The following ARL13B variants were observed in gnomAD, a reference collection of about 807,000 sequenced individuals.
ARL13B encodes the protein ADP-ribosylation factor-like protein 13B.
Under a neutral mutation model 56.1 loss-of-function variants are expected in ARL13B, and 36 were observed. That is an observed-to-expected ratio of 0.64 (90% CI 0.49 to 0.85). The LOEUF (loss-of-function observed/expected upper bound fraction) is 0.85, where lower values mean the gene tolerates loss of function less well. Among genes scored for constraint, ARL13B ranks in the 40% least tolerant of loss-of-function variants. ARL13B has a pLI of 0.00. For missense variants in ARL13B, 519 were observed against 507.1 expected, an observed-to-expected ratio of 1.02 and a Z score of -0.23; for synonymous variants, 178 against 171.1, an observed-to-expected ratio of 1.04 and a Z score of -0.32.
chr3:94,019,557 C>A (rs1299477756), intron 3 of ARL13B, among the ~76,000 whole-genome samples: 1 of 152,058 alleles, frequency 6.6e-6, no homozygotes, highest in African/African-American at 2.4e-5. Context: ...TCCTTGTTTC[C>A]TTTTTGCACC....
chr3:94,039,881 A>C lies in ARL13B; in HGVS notation c.691A>C (p.Lys231Gln). The change falls in exon 6 of 10, where the codon AAA becomes CAA. Residue 231 changes from lysine to glutamine, a missense_variant and splice_region_variant. Lys to Gln is a moderately conservative substitution (Grantham distance 53). Transcript: ENST00000394222. ...CAATTATTTTTCCTCAAACGATAGA[A>C]AACAAAATGAACAGGAGCAGGCTGA... is the stretch of plus-strand genomic sequence containing the variant. Reference protein sequence around the residue: ...ERVRKLREERKQNEQEQAELD... With the variant: ...ERVRKLREERQQNEQEQAELD... The C allele has an allele frequency of 1.2e-6, 2 of 1,613,976 alleles. No homozygotes were observed. Among genetic ancestry groups the C allele is most frequent in the Non-Finnish European group, 1.7e-6 (2 of 1,179,932 alleles).
At position 94,054,442 on chromosome 3, in the gene ARL13B, A is replaced by T. The variant is rs1207916820; in HGVS notation, c.*1179A>T. On this transcript the variant is annotated 3_prime_UTR_variant, in exon 10 of 10. Coordinates refer to ENST00000394222, the MANE Select transcript of ARL13B (RefSeq NM_001174150.2). ...CATTTAGACTAACTTCTAGATGTAT[A>T]TTTTTAATAATAGATTCATAATGTT... is the stretch of plus-strand genomic sequence containing the variant. 1 of 359,634 alleles carries T rather than the reference A, an allele frequency of 2.8e-6. No individual in the cohort carries two copies. The highest frequency in any genetic ancestry group is 2.2e-5 in the South Asian group (1 of 45,362). 22.3% of individuals were successfully genotyped at this position (359,634 alleles called of 1,614,324 possible).
At chr3:94,034,129 T>C (rs958201655) in intron 3 of ARL13B, among the ~76,000 whole-genome samples, 1 of 152,120 alleles carries the variant, frequency 6.6e-6, no homozygotes, top group African/African-American at 2.4e-5. Context: ...TTAGGTGTGA[T>C]AGTGGTATCA....
chr3:94,006,554 A>G (rs1050293233), intron 3 of ARL13B, among the ~76,000 whole-genome samples: 1 of 151,920 alleles, frequency 6.6e-6, no homozygotes, highest in Non-Finnish European at 1.5e-5. Flanking sequence ...CAGTCCCTTA[A>G]CCAGTCTCTA....
intron 3 of ARL13B, among the ~76,000 whole-genome samples, chr3:94,027,761 G>A (rs1305371351): frequency 6.6e-6 from 1 of 151,856 alleles, no homozygotes; most frequent in Non-Finnish European, 1.5e-5. Flanking sequence ...TAACACTTAC[G>A]TTAAATGGTA....
intron 2 of ARL13B, among the ~76,000 whole-genome samples, 196 bp downstream of exon 2, chr3:93,996,140 T>C (rs1327414518): frequency 1.3e-5 from 2 of 152,240 alleles, no homozygotes; most frequent in Non-Finnish European, 2.9e-5. Context: ...GTTTCAGATT[T>C]GAATACATGC....
intron 6 of ARL13B, 50 bp from the exon 7 acceptor site, chr3:94,042,965 T>A (rs1296246390): frequency 2.1e-6 from 3 of 1,454,846 alleles, no homozygotes; most frequent in Non-Finnish European, 2.8e-6. Flanking sequence ...CTTAAAACTA[T>A]CTTAGATAAA....
At chr3:93,983,426 A>G (rs1710307585) in intron 1 of ARL13B, among the ~76,000 whole-genome samples, 1 of 152,176 alleles carries the variant, frequency 6.6e-6, no homozygotes, top group Admixed American at 6.5e-5. Flanking sequence ...TCATGAATCA[A>G]TGAATGTGGA....
At chr3:94,007,297 T>C (rs2076151301) in intron 3 of ARL13B, among the ~76,000 whole-genome samples, 1 of 152,198 alleles carries the variant, frequency 6.6e-6, no homozygotes, top group Admixed American at 6.5e-5. Context: ...TTGTTATTTG[T>C]GGGAAGTAGA....
At position 94,022,034 on chromosome 3, in the gene ARL13B, T is replaced by C. The variant is rs1227639893; in HGVS notation, c.381-13297T>C. On this transcript the variant is annotated intron_variant, in intron 3 of 9. Coordinates refer to ENST00000394222, the MANE Select transcript of ARL13B (RefSeq NM_001174150.2). ...TCCTTAAAGACAGTCATAAAGGCAG[T>C]CATTTTCAGCTCCTTAGCTATATGT... 2.0e-5 allele frequency among the ~76,000 whole-genome samples: 3 copies of C among 152,176 alleles called. No individual in the cohort carries two copies. The East Asian group carries it at 5.8e-4, about 29-fold the overall frequency.
chr3:94,005,166 G>A (rs2076114282), intron 3 of ARL13B, among the ~76,000 whole-genome samples: 2 of 152,094 alleles, frequency 1.3e-5, no homozygotes, highest in Admixed American at 1.3e-4. Flanking sequence ...ATTGCCAAGG[G>A]TTGGGAAAGT....
intron 1 of ARL13B, among the ~76,000 whole-genome samples, chr3:93,982,803 A>T (rs1710283159): frequency 6.6e-6 from 1 of 152,204 alleles, no homozygotes. Flanking sequence ...TATTTGCCAA[A>T]TATTGTATGT....
At chr3:94,011,294 A>C (rs2076220493) in intron 3 of ARL13B, among the ~76,000 whole-genome samples, 1 of 152,102 alleles carries the variant, frequency 6.6e-6, no homozygotes, top group Non-Finnish European at 1.5e-5. Context: ...ACAAATGCTA[A>C]ACATCGATAG....
At chr3:94,040,010 A>G (rs1560007651) in intron 6 of ARL13B, 22 bp downstream of exon 6, 4 of 1,601,924 alleles carry the variant, frequency 2.5e-6, no homozygotes, top group Non-Finnish European at 3.4e-6. Context: ...GGCAAATGTA[A>G]TTTTTGTATC....
At chr3:93,990,755 T>C (rs1461551047) in intron 1 of ARL13B, among the ~76,000 whole-genome samples, 2 of 152,208 alleles carry the variant, frequency 1.3e-5, no homozygotes, top group East Asian at 3.9e-4. Context: ...TATGCTGAGA[T>C]ATGCTCTTAA....
intron 3 of ARL13B, among the ~76,000 whole-genome samples, chr3:94,021,878 T>A (rs1038420572): frequency 2.0e-5 from 3 of 152,184 alleles, no homozygotes; most frequent in Non-Finnish European, 4.4e-5. Context: ...ATAAGCTTTT[T>A]AAAAATGTTA....
rs1391160525 is a variant in ARL13B at position 93,980,192 on chromosome 3, T to C, written c.-232T>C. On this transcript the variant is annotated 5_prime_UTR_variant, in exon 1 of 10. Transcript: ENST00000394222. ...CCGGGTCCCGCTAACTCGGCTACGG[T>C]GTATCTGCGTCTTTGGTCAGGTTGT... 5.8e-6 allele frequency: 4 copies of C among 690,986 alleles called. No individual in the cohort carries two copies. Among genetic ancestry groups the C allele is most frequent in the Middle Eastern group, 3.7e-4 (1 of 2,714 alleles). 42.8% of individuals were successfully genotyped at this position (690,986 alleles called of 1,614,324 possible).
intron 3 of ARL13B, among the ~76,000 whole-genome samples, chr3:94,022,723 A>G (rs1037346692): frequency 7.9e-5 from 12 of 152,108 alleles, no homozygotes; most frequent in African/African-American, 1.4e-4. Context: ...TCTTATTGAC[A>G]TATTTATATA....
At chr3:94,015,013 C>A (rs770457397) in intron 3 of ARL13B, 28 of 1,613,918 alleles carry the variant, frequency 1.7e-5, no homozygotes, top group Non-Finnish European at 2.3e-5. Context: ...CTTAAGTAGA[C>A]TAAACCTTCT....
Sources: allele counts gnomAD v4.1 joint callset (sites outside exome capture counted in the v4.1 genomes callset), GRCh38; gene constraint gnomAD v4.1.1; transcripts MANE v1.5; gene names NCBI Gene and HGNC (gene_info 2026-07-23, HGNC 2026-07-21).